The following IDH3G variants were observed in gnomAD, a reference collection of about 807,000 sequenced individuals.
IDH3G encodes isocitrate dehydrogenase [NAD] subunit gamma, mitochondrial.
Under a neutral mutation model 26.9 loss-of-function variants are expected in IDH3G, and 9 were observed. The ratio of observed to expected loss-of-function variants is 0.34; its 90% CI spans 0.20 to 0.58. The LOEUF (loss-of-function observed/expected upper bound fraction) is 0.58, where lower values mean the gene tolerates loss of function less well. Among genes scored for constraint, IDH3G ranks in the 20% least tolerant of loss-of-function variants. IDH3G has a pLI of 0.85. For missense variants in IDH3G, 250 were observed against 372.8 expected (o/e 0.67, Z 2.71); for synonymous variants, 181 against 160.0 (o/e 1.13, Z -0.99).
intron 5 of IDH3G, 66 bp downstream of exon 5, chrX:153,789,646 G>T: frequency 1.6e-6 from 1 of 644,547 alleles, no homozygotes; most frequent in Non-Finnish European, 2.4e-6. Context: ...AGCAAGAAAC[G>T]AAGGAAGAAA....
chrX:153,790,781 C>A, intron 2 of IDH3G, 29 bp downstream of exon 2: 1 of 1,202,625 alleles, frequency 8.3e-7, no homozygotes. Flanking sequence ...TGGAGAAAGA[C>A]ACATGCGTGG....
chrX:153,786,106 G>A (rs200844897), intron 12 of IDH3G, 106 bp downstream of exon 12: 1 of 1,197,042 alleles, frequency 8.4e-7, no homozygotes, highest in Non-Finnish European at 1.1e-6. Context: ...GCCAGATCCA[G>A]TACCATCCTC....
intron 9 of IDH3G, 31 bp downstream of exon 9, chrX:153,787,020 G>A (rs2092091259): frequency 8.4e-7 from 1 of 1,192,321 alleles, no homozygotes; most frequent in Admixed American, 2.2e-5. Flanking sequence ...GGGCACTCAG[G>A]GCAGGGGGAC....
chrX:153,790,578 AG>A lies in IDH3G; in HGVS notation c.124-4del. The A allele has an allele frequency of 8.3e-7, 1 of 1,205,288 alleles. No individual in the cohort carries two copies. The highest frequency in any genetic ancestry group is 1.1e-6 in the Non-Finnish European group (1 of 890,225). ...AGAATACTCACAATTGTTTGTTCCT[AG>A]AAAGGATGAGAAAGGAAGAAGACAC... is the stretch of plus-strand genomic sequence containing the variant. On this transcript the variant is annotated splice_region_variant and splice_polypyrimidine_tract_variant and intron_variant, in intron 2 of 12. Transcript: ENST00000217901.
chrX:153,789,054 G>C, intron 5 of IDH3G: 1 of 337,307 alleles, frequency 3.0e-6, no homozygotes. Context: ...GGAAGGAGGG[G>C]TGGGAGGGAA....
intron 1 of IDH3G, chrX:153,792,116 G>A (rs2092111236): frequency 9.0e-6 from 1 of 111,513 alleles, no homozygotes; most frequent in Admixed American, 9.5e-5. Context: ...CTACTGAGCT[G>A]GGACCCTAAG....
chrX:153,790,035 G>T, intron 4 of IDH3G, 160 bp downstream of exon 4: 1 of 501,492 alleles, frequency 2.0e-6, no homozygotes, highest in Non-Finnish European at 3.5e-6. Context: ...CCGAGCCCAG[G>T]CCAGTCTGGC....
Position 153,786,950 on chromosome X carries a change from G to A in IDH3G, c.778-3C>T. 2 of 1,208,171 alleles carry A rather than the reference G, an allele frequency of 1.7e-6. No homozygotes were observed. The highest frequency in any genetic ancestry group is 2.2e-6 in the Non-Finnish European group (2 of 892,760). On this transcript the variant is annotated splice_polypyrimidine_tract_variant and splice_region_variant and intron_variant, in intron 9 of 12. Coordinates refer to ENST00000217901, the MANE Select transcript of IDH3G (RefSeq NM_004135.4). Reference sequence around the variant, plus strand: ...AACTGCTGGGGCCGGGACACCAGCTGCGGGACAAGGAGGGGGCTGGCTGAG... The same window carrying A: ...AACTGCTGGGGCCGGGACACCAGCTACGGGACAAGGAGGGGGCTGGCTGAG...
At chrX:153,790,944 A>G in intron 1 of IDH3G, 93 bp from the exon 2 acceptor site, 1 of 823,235 alleles carries the variant, frequency 1.2e-6, no homozygotes, top group Non-Finnish European at 1.8e-6. Flanking sequence ...GTGCCCAGGC[A>G]GGTCCCCTGT....
At chrX:153,790,718 G>T in intron 2 of IDH3G, 92 bp downstream of exon 2, 1 of 1,087,634 alleles carries the variant, frequency 9.2e-7, no homozygotes, top group Non-Finnish European at 1.3e-6. Flanking sequence ...TGGAGACCAC[G>T]TCTCAGAGGA....
At chrX:153,791,103 G>A (rs1452504643) in intron 1 of IDH3G, 4 of 362,647 alleles carry the variant, frequency 1.1e-5, no homozygotes, top group Non-Finnish European at 1.9e-5. Flanking sequence ...CTTAAAAGGC[G>A]TGTCCCTGCC....
At chrX:153,794,143 G>A in intron 1 of IDH3G, 103 bp downstream of exon 1, 4 of 926,649 alleles carry the variant, frequency 4.3e-6, no homozygotes, top group Non-Finnish European at 4.3e-6. Flanking sequence ...CCCCGCCCCT[G>A]GTGGGGCCCC....
intron 1 of IDH3G, 62 bp from the exon 2 acceptor site, chrX:153,790,913 G>A (rs1340690011): frequency 9.3e-7 from 1 of 1,078,262 alleles, no homozygotes; most frequent in African/African-American, 1.8e-5. Context: ...AAGTTGGAAG[G>A]AAAAACGGAC....
chrX:153,789,981 T>C (rs1045297661), intron 4 of IDH3G, 157 bp from the exon 5 acceptor site: 1 of 483,364 alleles, frequency 2.1e-6, no homozygotes, highest in Non-Finnish European at 3.6e-6. Flanking sequence ...GGGACACGCT[T>C]GAACTCCACA....
At chrX:153,794,207 C>A (rs782492670) in intron 1 of IDH3G, 39 bp downstream of exon 1, 1 of 1,147,263 alleles carries the variant, frequency 8.7e-7, no homozygotes, top group East Asian at 3.2e-5. Context: ...CGCTCCCCTG[C>A]GACCGCTGCC....
chrX:153,790,478 G>A, intron 3 of IDH3G, 86 bp downstream of exon 3: 1 of 1,040,373 alleles, frequency 9.6e-7, no homozygotes, highest in Non-Finnish European at 1.3e-6. Flanking sequence ...TCCTGGGTCA[G>A]CAGCAGCCCA....
chrX:153,789,448 G>C (rs1177571310), intron 5 of IDH3G, among the ~76,000 whole-genome samples: 1 of 112,462 alleles, frequency 8.9e-6, no homozygotes, highest in African/African-American at 3.2e-5. Flanking sequence ...GGAGGCTGAG[G>C]CAGGAGAATC....
intron 4 of IDH3G, 124 bp downstream of exon 4, chrX:153,790,071 G>A: frequency 1.7e-6 from 1 of 583,397 alleles, no homozygotes; most frequent in South Asian, 2.7e-5. Flanking sequence ...GGGACGCAAG[G>A]CCTGGGCTTA....
intron 10 of IDH3G, 51 bp downstream of exon 10, chrX:153,786,750 T>C: frequency 8.5e-7 from 1 of 1,171,948 alleles, no homozygotes. Flanking sequence ...CCTCACTAAG[T>C]CTGTGAACAG....
Sources: allele counts gnomAD v4.1 joint callset (sites outside exome capture counted in the v4.1 genomes callset), GRCh38; gene constraint gnomAD v4.1.1; transcripts MANE v1.5; gene names NCBI Gene and HGNC (gene_info 2026-07-23, HGNC 2026-07-21).